The following CDC5L variants were observed in gnomAD, a reference collection of about 807,000 sequenced individuals.
CDC5L encodes cell division cycle 5-like protein.
A neutral mutation model predicts 104.1 loss-of-function variants in CDC5L; 18 were observed. That is an observed-to-expected ratio of 0.17 (90% CI 0.12 to 0.26). The LOEUF (loss-of-function observed/expected upper bound fraction) is 0.26. CDC5L is among the 10% of genes least tolerant of loss of function. The probability of loss-of-function intolerance (pLI) is 1.00; values close to 1 mark genes in which losing one functional copy is unlikely to be tolerated. For synonymous variants in CDC5L, 331 were observed against 322.7 expected, an observed-to-expected ratio of 1.03 and a Z score of -0.28; for missense variants, 673 against 956.9, an observed-to-expected ratio of 0.70 and a Z score of 3.91.
intron 14 of CDC5L, among the ~76,000 whole-genome samples, chr6:44,440,584 CAT>C (rs143981426): frequency 2.6e-4 from 39 of 152,056 alleles, no homozygotes; most frequent in African/African-American, 8.9e-4. Flanking sequence ...ATAATAATTG[CAT>C]ATGTTTATGG....
At position 44,429,315 on chromosome 6, in the gene CDC5L, T is replaced by C. The variant is rs1362197546; in HGVS notation, c.1894-398T>C. ...GATCATAGGAGGGAGCCACCGTGCC[T>C]GGCCAAATTTCATTAGCTTTTAAAT... On this transcript the variant is annotated intron_variant, in intron 13 of 15. Coordinates refer to ENST00000371477, the MANE Select transcript of CDC5L (RefSeq NM_001253.4). 2.0e-5 allele frequency among the ~76,000 whole-genome samples: 3 copies of C among 152,174 alleles called. No individual in the cohort carries two copies. The East Asian group carries it at 5.8e-4, about 29-fold the overall frequency.
rs897246921 is a variant in CDC5L at position 44,448,984 on chromosome 6, A to G, written c.*2273A>G. On this transcript the variant is annotated 3_prime_UTR_variant, in exon 16 of 16. Transcript: ENST00000371477. ...CTCATTTGATGTTTTGATGAGGTATATTAATAGATTTTCCCACATTAAATC... is the reference window on the plus strand; with the variant it reads ...CTCATTTGATGTTTTGATGAGGTATGTTAATAGATTTTCCCACATTAAATC... The G allele has an allele frequency of 1.3e-5, 2 of 152,210 alleles. No individual in the cohort carries two copies. Among genetic ancestry groups the G allele is most frequent in the African/African-American group, 2.4e-5 (1 of 41,460 alleles). The allele number at this position is 152,210 out of a possible 1,614,324, so 9.4% of individuals were successfully genotyped here. A position where few individuals can be genotyped will look rare whatever the true frequency, so the allele number is the denominator to read the frequency against.
At chr6:44,424,310 T>G in intron 10 of CDC5L, 109 bp from the exon 11 acceptor site, 7 of 907,728 alleles carry the variant, frequency 7.7e-6, no homozygotes, top group Non-Finnish European at 1.2e-5. Context: ...AATGTACAGT[T>G]ATTTTGACTA....
intron 13 of CDC5L, 54 bp from the exon 14 acceptor site, chr6:44,429,659 G>T (rs1581657910): frequency 6.7e-7 from 1 of 1,493,738 alleles, no homozygotes; most frequent in East Asian, 2.3e-5. Flanking sequence ...AAGCTCTCTG[G>T]ATATGGCAAG....
At position 44,424,483 on chromosome 6, in the gene CDC5L, T is replaced by A; in HGVS notation, c.1469T>A (p.Phe490Tyr). 1 of 1,613,978 alleles carries A rather than the reference T, an allele frequency of 6.2e-7. No individual in the cohort carries two copies. Among genetic ancestry groups the A allele is most frequent in the Non-Finnish European group, 8.5e-7 (1 of 1,179,926 alleles). The stretch of plus-strand genomic sequence containing the variant: ...GGCCTTCCTGCCCCTAAGAATGATT[T>A]TGAAATTGTTCTACCAGAAAATGCC... ...LLGLPAPKND[F>Y]EIVLPENAEK... The change falls in exon 11 of 16, where the codon TTT (phenylalanine) becomes TAT (tyrosine). Residue 490 changes from phenylalanine to tyrosine, a missense_variant. Phe to Tyr is a conservative substitution (Grantham distance 22, BLOSUM62 3). Around this residue, in one of 4 missense-constraint regions of CDC5L, gnomAD observed 578 missense variants for 737.0 expected, o/e 0.78. Transcript: ENST00000371477.
chr6:44,412,822 G>T (rs1238627853), intron 8 of CDC5L, among the ~76,000 whole-genome samples: 1 of 118,254 alleles, frequency 8.5e-6, no homozygotes, highest in Non-Finnish European at 1.6e-5. Context: ...TCGCTCTGTC[G>T]CCCAGGCTGG....
intron 10 of CDC5L, among the ~76,000 whole-genome samples, chr6:44,423,349 A>G (rs1792276218): frequency 1.3e-5 from 2 of 152,244 alleles, no homozygotes; most frequent in South Asian, 4.1e-4. Context: ...TCATGCATGC[A>G]GAGCATGCAT....
intron 9 of CDC5L, among the ~76,000 whole-genome samples, chr6:44,421,803 G>A (rs959870468): frequency 6.6e-6 from 1 of 152,162 alleles, no homozygotes. Flanking sequence ...ATACGATGCC[G>A]TTTTATATCA....
At chr6:44,422,593 G>T in intron 9 of CDC5L, 54 bp from the exon 10 acceptor site, 1 of 1,093,640 alleles carries the variant, frequency 9.1e-7, no homozygotes, top group Non-Finnish European at 1.3e-6. Flanking sequence ...ACATTTGAAA[G>T]CACAATCCAA....
In CDC5L at chr6:44,419,490, A is replaced by G. The variant is rs1009851756; in HGVS notation, c.1134A>G (p.Pro378=). Residue 378 remains proline (P), a synonymous_variant, in exon 9 of 16, where the codon CCA becomes CCG. Transcript: ENST00000371477. ...TGGCCCTCACCAATGTGGACACCCC[A>G]TTGAAAGGTGGACTTAATACCCCAT... is the stretch of plus-strand genomic sequence containing the variant. ...NLMALTNVDT[P]LKGGLNTPLH... 3.1e-6 allele frequency: 5 copies of G among 1,614,008 alleles called. No individual in the cohort carries two copies. The Admixed American group carries it at 5.0e-5, about 16-fold the overall frequency.
At chr6:44,440,042 G>A (rs927881778) in intron 14 of CDC5L, among the ~76,000 whole-genome samples, 2 of 152,080 alleles carry the variant, frequency 1.3e-5, no homozygotes, top group African/African-American at 4.8e-5. Flanking sequence ...ATTTATAAAG[G>A]AAATTAACAG....
chr6:44,448,848 C>T lies in CDC5L; in HGVS notation c.*2137C>T, dbSNP rs1001335713. On this transcript the variant is annotated 3_prime_UTR_variant, in exon 16 of 16. Transcript: ENST00000371477. ...CTGTTGGGAGTTAGATAGTCTTTAT[C>T]TGAAAGACAGTGTCTCTCTTTTAGT... 6.6e-6 allele frequency: 1 copy of T among 152,008 alleles called. No homozygotes were observed. The highest frequency in any genetic ancestry group is 1.5e-5 in the Non-Finnish European group (1 of 68,008). 9.4% of individuals were successfully genotyped at this position (152,008 alleles called of 1,614,324 possible).
chr6:44,388,059 G>A (rs1013698293), intron 1 of CDC5L, among the ~76,000 whole-genome samples, 191 bp downstream of exon 1: 2 of 151,892 alleles, frequency 1.3e-5, no homozygotes, highest in Non-Finnish European at 2.9e-5. Flanking sequence ...GACAGGGACC[G>A]TGATGTCACC....
intron 2 of CDC5L, among the ~76,000 whole-genome samples, chr6:44,390,749 A>C (rs1383021516): frequency 6.6e-6 from 1 of 152,152 alleles, no homozygotes; most frequent in African/African-American, 2.4e-5. Context: ...AAAGTGCATA[A>C]GTTAGCTGTT....
At chr6:44,393,647 T>C in intron 4 of CDC5L, 74 bp downstream of exon 4, 1 of 1,421,220 alleles carries the variant, frequency 7.0e-7, no homozygotes, top group South Asian at 1.3e-5. Flanking sequence ...TTAGTTCCTT[T>C]CTGAACTCCT....
intron 1 of CDC5L, among the ~76,000 whole-genome samples, chr6:44,388,769 T>C (rs1044745942): frequency 6.6e-6 from 1 of 151,864 alleles, no homozygotes; most frequent in Non-Finnish European, 1.5e-5. Flanking sequence ...TCTTGGAATC[T>C]CTGTAAGAAT....
At chr6:44,408,131 AT>A (rs1442819089) in intron 7 of CDC5L, among the ~76,000 whole-genome samples, 1 of 152,184 alleles carries the variant, frequency 6.6e-6, no homozygotes, top group Non-Finnish European at 1.5e-5. Flanking sequence ...TTCTAAAGCT[AT>A]ATTATGGAAA....
chr6:44,410,162 T>C (rs1791564414), intron 8 of CDC5L, among the ~76,000 whole-genome samples: 1 of 152,164 alleles, frequency 6.6e-6, no homozygotes, highest in Non-Finnish European at 1.5e-5. Context: ...ATGTATAATA[T>C]CTTGAACTTA....
chr6:44,426,412 C>A, intron 12 of CDC5L, 70 bp from the exon 13 acceptor site: 1 of 950,142 alleles, frequency 1.1e-6, no homozygotes, highest in South Asian at 1.6e-5. Context: ...TTAATTCATG[C>A]TGTAACAGGT....
Sources: gnomAD v4.1 joint callset for allele counts (sites outside exome capture counted in the v4.1 genomes callset) on GRCh38, gnomAD v4.1.1 for gene constraint, gnomAD v4.1.1 regional missense constraint, MANE v1.5 for transcripts, NCBI Gene and HGNC (gene_info 2026-07-23, HGNC 2026-07-21) for gene names.